Variants in UVRAG observed in about 807,000 individuals in gnomAD.
The protein encoded by UVRAG is UV radiation resistance associated.
In UVRAG, 19 loss-of-function variants were observed where a neutral mutation model predicts 78.0. The observed-to-expected ratio is 0.24, with a 90% CI of 0.17 to 0.36. The LOEUF (loss-of-function observed/expected upper bound fraction) is 0.36. Ranked by LOEUF, UVRAG falls within the 10% of genes least tolerant of loss-of-function variation. The pLI is 1.00. For missense variants in UVRAG, 740 were observed against 853.8 expected (o/e 0.87, Z 1.66); for synonymous variants, 323 against 324.6 (o/e 1.00, Z 0.05).
At chr11:76,093,237 A>G (rs545180214) in intron 13 of UVRAG, among the ~76,000 whole-genome samples, 38 of 152,312 alleles carry the variant, frequency 2.5e-4, no homozygotes, top group African/African-American at 8.7e-4. Context: ...TGGTACCAGT[A>G]CCATGCTGTT....
intron 7 of UVRAG, among the ~76,000 whole-genome samples, chr11:75,971,617 G>A (rs538680748): frequency 2.1e-4 from 32 of 152,030 alleles, no homozygotes; most frequent in African/African-American, 7.7e-4. Flanking sequence ...TCATATGCTT[G>A]CCATCTATAT....
chr11:75,930,927 T>TTTTTTTTC (rs752762673), intron 6 of UVRAG: 4 of 117,404 alleles, frequency 3.4e-5, no homozygotes, highest in African/African-American at 1.3e-4. Context: ...AGTGTCGGGA[T>TTTTTTTTC]TTTCTTTCTT....
rs1247806423 is a variant in UVRAG at position 75,851,888 on chromosome 11, T to G, written c.123T>G (p.Arg41=). ...TTTTTGTTGTTATTTTTCAGCGGCG[T>G]CTTCGACATCTTCGGAACATTGCTG... ...LHVELPSQQR[R]LRHLRNIAAR... Residue 41 remains arginine (R), a synonymous_variant, in exon 2 of 15, where the codon CGT becomes CGG. Coordinates refer to ENST00000356136, the MANE Select transcript of UVRAG (RefSeq NM_003369.4). 1.9e-6 allele frequency: 3 copies of G among 1,604,298 alleles called. No homozygotes were observed. The highest frequency in any genetic ancestry group is 1.1e-5 in the South Asian group (1 of 87,976).
intron 11 of UVRAG, chr11:76,013,040 T>G (rs1950083482): frequency 6.6e-6 from 1 of 152,154 alleles, no homozygotes; most frequent in Non-Finnish European, 1.5e-5. Flanking sequence ...TTGTCCTGTC[T>G]GGATCAGTGG....
intron 9 of UVRAG, among the ~76,000 whole-genome samples, chr11:76,007,059 C>T (rs1949958460): frequency 6.6e-6 from 1 of 152,090 alleles, no homozygotes; most frequent in Non-Finnish European, 1.5e-5. Context: ...GGTGCCTAGG[C>T]TGGAGTGCAG....
At chr11:75,826,549 A>G (rs1945516997) in intron 1 of UVRAG, among the ~76,000 whole-genome samples, 1 of 152,112 alleles carries the variant, frequency 6.6e-6, no homozygotes, top group African/African-American at 2.4e-5. Flanking sequence ...CTGTATTTTA[A>G]CGTTCTCTTT....
intron 12 of UVRAG, among the ~76,000 whole-genome samples, chr11:76,058,538 A>AG (rs1255092994): frequency 6.6e-6 from 1 of 151,516 alleles, no homozygotes; most frequent in Non-Finnish European, 1.5e-5. Context: ...TATCTCCAAA[A>AG]AAAAAAAAAA....
intron 5 of UVRAG, among the ~76,000 whole-genome samples, chr11:75,889,666 A>G (rs1304692100): frequency 6.6e-6 from 1 of 152,176 alleles, no homozygotes; most frequent in Non-Finnish European, 1.5e-5. Context: ...TGCTTAGAGT[A>G]CTTCATTTAT....
intron 5 of UVRAG, among the ~76,000 whole-genome samples, chr11:75,903,710 T>TG (rs1173439686): frequency 1.3e-5 from 2 of 152,228 alleles, no homozygotes; most frequent in African/African-American, 4.8e-5. Context: ...ATGGCACTCT[T>TG]GCATTATTTG....
At chr11:76,101,158 G>A (rs971419955) in intron 13 of UVRAG, among the ~76,000 whole-genome samples, 1 of 152,014 alleles carries the variant, frequency 6.6e-6, no homozygotes, top group Non-Finnish European at 1.5e-5. Context: ...TGGTACTTTT[G>A]TTTTTAGCTC....
At chr11:75,995,457 A>G (rs748112153) in intron 8 of UVRAG, among the ~76,000 whole-genome samples, 6 of 150,268 alleles carry the variant, frequency 4.0e-5, no homozygotes, top group Non-Finnish European at 8.9e-5. Context: ...TAAATATTTT[A>G]TGTGAAGTTC....
At chr11:76,072,487 T>C (rs182152223) in intron 13 of UVRAG, among the ~76,000 whole-genome samples, 1 of 152,180 alleles carries the variant, frequency 6.6e-6, no homozygotes, top group Non-Finnish European at 1.5e-5. Flanking sequence ...TTGCCACTTA[T>C]CCCAAATTGC....
At position 75,815,399 on chromosome 11, in the gene UVRAG, T is replaced by G. The variant is rs956387398; in HGVS notation, c.-9T>G. 1.6e-6 allele frequency: 2 copies of G among 1,237,708 alleles called. No homozygotes were observed. The highest frequency in any genetic ancestry group is 6.3e-5 in the East Asian group (2 of 31,696). 76.7% of individuals were successfully genotyped at this position (1,237,708 alleles called of 1,614,324 possible). A position where few individuals can be genotyped will look rare whatever the true frequency, so the allele number is the denominator to read the frequency against. ...GCCCGCCCCGCCGCTTGGCGGCCCC[T>G]GGATCGAGATGAGCGCCTCCGCGTC... On this transcript the variant is annotated 5_prime_UTR_variant, in exon 1 of 15. Coordinates refer to ENST00000356136, the MANE Select transcript of UVRAG (RefSeq NM_003369.4).
At chr11:76,072,320 C>A (rs923857368) in intron 13 of UVRAG, among the ~76,000 whole-genome samples, 4 of 152,150 alleles carry the variant, frequency 2.6e-5, no homozygotes, top group Non-Finnish European at 5.9e-5. Context: ...GGGTTTGTAA[C>A]TGGAGATGAC....
In UVRAG at chr11:76,138,014, A is replaced by G. The variant is rs554189344; in HGVS notation, c.1398-2697A>G. The stretch of plus-strand genomic sequence containing the variant: ...ACTACCATTACTTGAGTTTTCATAC[A>G]AATCCAAGGGAACTGGAGAAGAATG... On this transcript the variant is annotated intron_variant, in intron 14 of 14. Coordinates refer to ENST00000356136, the MANE Select transcript of UVRAG (RefSeq NM_003369.4). 3.3e-5 allele frequency among the ~76,000 whole-genome samples: 5 copies of G among 152,332 alleles called. No homozygotes were observed. The East Asian group carries it at 5.8e-4, about 18-fold the overall frequency.
chr11:75,974,524 G>A (rs922197427), intron 7 of UVRAG, among the ~76,000 whole-genome samples: 21 of 151,110 alleles, frequency 1.4e-4, no homozygotes, highest in Admixed American at 3.9e-4. Flanking sequence ...CCGCCACCGC[G>A]CCCGGCTAAT....
intron 1 of UVRAG, among the ~76,000 whole-genome samples, chr11:75,816,988 A>G (rs866923940): frequency 6.6e-6 from 1 of 152,232 alleles, no homozygotes; most frequent in South Asian, 2.1e-4. Context: ...GATTGAAAAG[A>G]TACCATGTGC....
At chr11:75,854,474 T>A (rs529385336) in intron 2 of UVRAG, among the ~76,000 whole-genome samples, 1 of 152,174 alleles carries the variant, frequency 6.6e-6, no homozygotes, top group Non-Finnish European at 1.5e-5. Context: ...TGGAGTGCAG[T>A]GGTGCCATCT....
At chr11:76,090,526 T>G (rs968449673) in intron 13 of UVRAG, among the ~76,000 whole-genome samples, 1 of 152,144 alleles carries the variant, frequency 6.6e-6, no homozygotes, top group Non-Finnish European at 1.5e-5. Flanking sequence ...CTGCAACCCT[T>G]TATGAGAAAT....
Sources: gnomAD v4.1 joint callset for allele counts (sites outside exome capture counted in the v4.1 genomes callset) on GRCh38, gnomAD v4.1.1 for gene constraint, MANE v1.5 for transcripts, NCBI Gene and HGNC (gene_info 2026-07-23, HGNC 2026-07-21) for gene names.